Variants in NUDT2 observed in about 807,000 individuals in gnomAD.
NUDT2 encodes the protein bis(5'-nucleosyl)-tetraphosphatase [asymmetrical].
Under a neutral mutation model 14.2 loss-of-function variants are expected in NUDT2, and 12 were observed. The ratio of observed to expected loss-of-function variants is 0.84; its 90% CI spans 0.54 to 1.37. The LOEUF is 1.37. NUDT2 is among the 40% of genes most tolerant of loss of function. NUDT2 has a pLI of 0.00. For missense variants in NUDT2, 167 were observed against 176.7 expected (o/e 0.95, Z 0.31); for synonymous variants, 67 against 67.4 (o/e 0.99, Z 0.03).
intron 4 of NUDT2, 65 bp downstream of exon 4, chr9:34,339,231 G>C: frequency 6.3e-7 from 1 of 1,581,354 alleles, no homozygotes; most frequent in Non-Finnish European, 8.6e-7. Context: ...TACCCTGCCA[G>C]GCCCTCCCCA....
chr9:34,342,786 G>T (rs1212221473), intron 4 of NUDT2, among the ~76,000 whole-genome samples: 1 of 152,108 alleles, frequency 6.6e-6, no homozygotes, highest in Non-Finnish European at 1.5e-5. Context: ...GGAGGCTGAG[G>T]CAGGAGGATG....
chr9:34,329,704 C>G (rs2039344), intron 1 of NUDT2, 105 bp downstream of exon 1: 72,101 of 152,298 alleles, frequency 0.47, 20,024 homozygotes, highest in South Asian at 0.64. Flanking sequence ...CTGCAGGGCC[C>G]GAGAGGGATG....
chr9:34,342,345 A>AAAC (rs1185780689), intron 4 of NUDT2, among the ~76,000 whole-genome samples: 1 of 152,188 alleles, frequency 6.6e-6, no homozygotes, highest in East Asian at 1.9e-4. Flanking sequence ...CCTGCAGACA[A>AAAC]TGTTAAGTCC....
At chr9:34,337,005 T>TC (rs1460930105) in intron 2 of NUDT2, among the ~76,000 whole-genome samples, 1 of 149,490 alleles carries the variant, frequency 6.7e-6, no homozygotes, top group East Asian at 1.9e-4. Flanking sequence ...TCTTTTTTTT[T>TC]TTTTTTTTTT....
chr9:34,330,194 G>C (rs1034737087), intron 1 of NUDT2, among the ~76,000 whole-genome samples: 1 of 152,314 alleles, frequency 6.6e-6, no homozygotes, highest in Non-Finnish European at 1.5e-5. Flanking sequence ...ACGAGGTCAG[G>C]AGATCGAGAC....
chr9:34,343,339 C>A lies in NUDT2; in HGVS notation c.343C>A (p.Arg115Ser), dbSNP rs143347739. The A allele has an allele frequency of 1.9e-6, 3 of 1,613,804 alleles. No individual in the cohort carries two copies. The highest frequency in any genetic ancestry group is 2.5e-6 in the Non-Finnish European group (3 of 1,179,976). The part of the protein sequence containing the change: ...IRLSHEHQAY[R>S]WLGLEEACQL... ...CCTCTCCCATGAGCACCAAGCCTAC[C>A]GCTGGCTGGGGCTGGAGGAGGCCTG... The change falls in exon 5 of 5, where the codon CGC becomes AGC. Residue 115 changes from arginine to serine, a missense_variant. Arg to Ser is a moderately radical substitution (Grantham distance 110, BLOSUM62 -1). Transcript: ENST00000379158.
intron 1 of NUDT2, among the ~76,000 whole-genome samples, chr9:34,334,209 G>A (rs1239640352): frequency 1.3e-5 from 2 of 152,132 alleles, no homozygotes; most frequent in African/African-American, 4.8e-5. Flanking sequence ...TTGGTACCTA[G>A]GTCCCGAACC....
intron 4 of NUDT2, among the ~76,000 whole-genome samples, 158 bp downstream of exon 4, chr9:34,339,324 G>C (rs1838177656): frequency 6.6e-6 from 1 of 152,206 alleles, no homozygotes; most frequent in Admixed American, 6.5e-5. Flanking sequence ...AAGGTCTCCA[G>C]ACCAGGCCAG....
In NUDT2 at chr9:34,338,832, G is replaced by C; in HGVS notation, c.-32G>C. On this transcript the variant is annotated 5_prime_UTR_variant, in exon 3 of 5. Coordinates refer to ENST00000379158, the MANE Select transcript of NUDT2 (RefSeq NM_001161.5). ...GACTGAGGGTAGTTGCCAGGGTCCT[G>C]CAGTTATACACAAAGGTCAGTCTCT... 1 of 442,426 alleles carries C rather than the reference G, an allele frequency of 2.3e-6. No homozygotes were observed. Among genetic ancestry groups the C allele is most frequent in the Non-Finnish European group, 4.1e-6 (1 of 241,500 alleles). The allele number at this position is 442,426 out of a possible 1,614,324, so 27.4% of individuals were successfully genotyped here. A position where few individuals can be genotyped will look rare whatever the true frequency, so the allele number is the denominator to read the frequency against.
Position 34,343,602 on chromosome 9 carries a change from C to A in NUDT2, c.*162C>A, listed in dbSNP as rs756558874. Reference sequence around the variant, plus strand: ...CTCCCAGGTGAGAGCAAGCAAAAATCTTGGCTGGGTGGAAAGGAAGGCAAA... The same window carrying A: ...CTCCCAGGTGAGAGCAAGCAAAAATATTGGCTGGGTGGAAAGGAAGGCAAA... On this transcript the variant is annotated 3_prime_UTR_variant, in exon 5 of 5. Coordinates refer to ENST00000379158, the MANE Select transcript of NUDT2 (RefSeq NM_001161.5). The A allele has an allele frequency of 8.5e-5, 52 of 613,962 alleles. 1 individual carries two copies. The highest frequency in any genetic ancestry group is 1.4e-4 in the South Asian group (5 of 36,234). The allele number at this position is 613,962 out of a possible 1,614,324, so 38.0% of individuals were successfully genotyped here. A position where few individuals can be genotyped will look rare whatever the true frequency, so the allele number is the denominator to read the frequency against.
chr9:34,338,199 T>TA lies in NUDT2; in HGVS notation c.-151-506dup, dbSNP rs1491199644. On this transcript the variant is annotated intron_variant, in intron 2 of 4. Coordinates refer to ENST00000379158, the MANE Select transcript of NUDT2 (RefSeq NM_001161.5). ...AAAAAAAAAGGATAAAATAAAAGAC[T>TA]AAAAAAAATCAGACTGGGCATGGTG... Among the ~76,000 whole-genome samples, 17 of 85,262 alleles carry TA rather than the reference T, an allele frequency of 2.0e-4. No homozygotes were observed. In the East Asian group the frequency reaches 3.6e-3, roughly 18 times the overall value. 55.9% of individuals were successfully genotyped at this position (85,262 alleles called of 152,430 possible).
chr9:34,337,445 C>T (rs909574254), intron 2 of NUDT2, among the ~76,000 whole-genome samples: 1 of 152,074 alleles, frequency 6.6e-6, no homozygotes, highest in African/African-American at 2.4e-5. Context: ...ACTTTTCTAC[C>T]AACAGTATAT....
In NUDT2 at chr9:34,339,239, C is replaced by G; in HGVS notation, c.127+73C>G. The G allele has an allele frequency of 1.9e-6, 3 of 1,566,046 alleles. No individual in the cohort carries two copies. The South Asian group carries it at 3.4e-5, about 18-fold the overall frequency. On this transcript the variant is annotated intron_variant, in intron 4 of 4. Transcript: ENST00000379158. Reference sequence around the variant, plus strand: ...AGAAATCTACCCTGCCAGGCCCTCCCCAAGGCTTAATTCCCAGTGACTGTG... The same window carrying G: ...AGAAATCTACCCTGCCAGGCCCTCCGCAAGGCTTAATTCCCAGTGACTGTG...
intron 1 of NUDT2, among the ~76,000 whole-genome samples, chr9:34,331,083 A>G (rs1837918290): frequency 6.6e-6 from 1 of 152,238 alleles, no homozygotes; most frequent in Non-Finnish European, 1.5e-5. Flanking sequence ...TAAGGGAAAA[A>G]AGGTAATTCT....
At chr9:34,336,883 A>T (rs1359480914) in intron 2 of NUDT2, among the ~76,000 whole-genome samples, 3 of 151,342 alleles carry the variant, frequency 2.0e-5, no homozygotes, top group African/African-American at 7.3e-5. Context: ...CTATTTCATC[A>T]TATAGATATA....
intron 4 of NUDT2, among the ~76,000 whole-genome samples, chr9:34,340,878 A>G (rs748777661): frequency 3.3e-5 from 5 of 152,100 alleles, no homozygotes; most frequent in Non-Finnish European, 5.9e-5. Flanking sequence ...GGGTCTTACT[A>G]TATTGCCCAG....
intron 1 of NUDT2, among the ~76,000 whole-genome samples, chr9:34,330,680 G>A (rs1476186546): frequency 6.6e-6 from 1 of 152,168 alleles, no homozygotes; most frequent in East Asian, 1.9e-4. Context: ...AAATGGTAGC[G>A]GCCGGGCGCG....
rs150256259 is a variant in NUDT2, at chr9:34,343,195, G to T, written c.199G>T (p.Ala67Ser). Residue 67 changes from alanine to serine, a missense_variant, in exon 5 of 5, where the codon GCA becomes TCA. Ala to Ser is a moderately conservative substitution (Grantham distance 99). Coordinates refer to ENST00000379158, the MANE Select transcript of NUDT2 (RefSeq NM_001161.5). ...RETQEEAGIE[A>S]GQLTIIEGFK... The stretch of plus-strand genomic sequence containing the variant: ...GACCCAAGAGGAAGCAGGCATAGAA[G>T]CAGGCCAGCTGACCATTATTGAGGG... The T allele has an allele frequency of 5.0e-6, 8 of 1,613,988 alleles. No individual in the cohort carries two copies. Among genetic ancestry groups the T allele is most frequent in the Non-Finnish European group, 5.9e-6 (7 of 1,180,028 alleles).
At chr9:34,336,459 C>T (rs1416590763) in intron 2 of NUDT2, 118 bp downstream of exon 2, 1 of 152,176 alleles carries the variant, frequency 6.6e-6, no homozygotes, top group East Asian at 1.9e-4. Flanking sequence ...TTTCATTATA[C>T]ATGCTATTCA....
Sources: gnomAD v4.1 joint callset for allele counts (sites outside exome capture counted in the v4.1 genomes callset) on GRCh38, gnomAD v4.1.1 for gene constraint, MANE v1.5 for transcripts, NCBI Gene and HGNC (gene_info 2026-07-23, HGNC 2026-07-21) for gene names.